Variants in SLC24A4 observed in about 807,000 individuals in gnomAD.
The protein encoded by SLC24A4 is solute carrier family 24 member 4.
SLC24A4 carries 53 observed loss-of-function variants against 79.0 expected under a neutral mutation model. That is an observed-to-expected ratio of 0.67 (90% CI 0.54 to 0.84). The LOEUF (loss-of-function observed/expected upper bound fraction) is 0.84. SLC24A4 is among the 40% of genes least tolerant of loss of function. The pLI, the probability that SLC24A4 is intolerant of heterozygous loss-of-function variation, is 0.00. For synonymous variants in SLC24A4, 323 were observed against 323.8 expected (o/e 1.00, Z 0.03); for missense variants, 731 against 822.0 (o/e 0.89, Z 1.35).
In SLC24A4 at chr14:92,467,689, A is replaced by T. The variant is rs72631613; in HGVS notation, c.1255+11081A>T. 0.01 allele frequency among the ~76,000 whole-genome samples: 1,533 copies of T among 152,238 alleles called. 77 individuals are homozygous for T. In the East Asian group the frequency reaches 0.16, roughly 16 times the overall value. On this transcript the variant is annotated intron_variant, in intron 12 of 16. Coordinates refer to ENST00000532405, the MANE Select transcript of SLC24A4 (RefSeq NM_153646.4). Reference sequence around the variant, plus strand: ...CCAGGCCAGTGTAGCATGTGCTGGGAGGAAAAGTAGGAGGTAAAGGCCTGC... The same window carrying T: ...CCAGGCCAGTGTAGCATGTGCTGGGTGGAAAAGTAGGAGGTAAAGGCCTGC...
chr14:92,420,210 G>A (rs867938025), intron 2 of SLC24A4, among the ~76,000 whole-genome samples: 1 of 152,174 alleles, frequency 6.6e-6, no homozygotes, highest in African/African-American at 2.4e-5. Flanking sequence ...GGCTGGGCAC[G>A]GTGGTTCACA....
intron 2 of SLC24A4, among the ~76,000 whole-genome samples, chr14:92,402,801 C>A (rs543662942): frequency 2.6e-5 from 4 of 152,246 alleles, no homozygotes; most frequent in African/African-American, 9.6e-5. Flanking sequence ...GAAAGACCCA[C>A]CCCTGTAATT....
rs528534691 is a variant in SLC24A4, at chr14:92,494,557, A to G, written c.*929A>G. On this transcript the variant is annotated 3_prime_UTR_variant, in exon 17 of 17. Transcript: ENST00000532405. This position sits in a 1 kb window ranked among gnomAD's most constrained non-coding sequence, Gnocchi z 4.6. ...CTTTCCAGATCTTCTATGTGACACA[A>G]TGCACTGTCCTTGTGGGTTTGTCAT... 6.6e-6 allele frequency: 1 copy of G among 152,358 alleles called. No homozygotes were observed. The highest frequency in any genetic ancestry group is 2.1e-4 in the South Asian group (1 of 4,830). 9.4% of individuals were successfully genotyped at this position (152,358 alleles called of 1,614,324 possible).
chr14:92,449,337 C>G (rs1219105502), intron 10 of SLC24A4, 121 bp downstream of exon 10: 2 of 1,287,072 alleles, frequency 1.6e-6, no homozygotes, highest in Non-Finnish European at 2.1e-6. Flanking sequence ...CTCACAATGT[C>G]CCCCCTCTAA....
intron 2 of SLC24A4, among the ~76,000 whole-genome samples, chr14:92,333,912 G>A (rs1464374731): frequency 1.3e-5 from 2 of 151,820 alleles, no homozygotes; most frequent in Non-Finnish European, 2.9e-5. Flanking sequence ...CACCAAGCAG[G>A]TGCCCTCAGG....
Position 92,323,901 on chromosome 14 carries a change from G to A in SLC24A4, c.71G>A (p.Gly24Asp). The A allele has an allele frequency of 6.2e-7, 1 of 1,609,366 alleles. No homozygotes were observed. The change falls in exon 1 of 17, where the codon GGC becomes GAC. Residue 24 changes from glycine (G) to aspartate (D), a missense_variant. By Grantham distance (94) the Gly-to-Asp change is moderately conservative. Coordinates refer to ENST00000532405, the MANE Select transcript of SLC24A4 (RefSeq NM_153646.4). The surrounding 1 kb of genome is among the most constrained non-coding windows in gnomAD (Gnocchi z 4.9). ...CGAGAGATGCTGCCGCAGCAAGTCG[G>A]CTTCGTGTGCGCGGTGCTGGCCCTG... ...RRREMLPQQV[G>D]FVCAVLALVC...
Position 92,445,352 on chromosome 14 carries a change from TCAAGTGTA to T in SLC24A4, c.683+11_683+18del, listed in dbSNP as rs779699662. 1.3e-4 allele frequency: 215 copies of T among 1,613,678 alleles called. No homozygotes were observed. The highest frequency in any genetic ancestry group is 1.8e-4 in the Non-Finnish European group (210 of 1,179,704). On this transcript the variant is annotated intron_variant, in intron 8 of 16. Coordinates refer to ENST00000532405, the MANE Select transcript of SLC24A4 (RefSeq NM_153646.4). ...ATGAACAAATTGTGTGGTAAGTTTT[TCAAGTGTA>T]GTTTTCATTGTTCTTTTTTGTTGTT... is the stretch of plus-strand genomic sequence containing the variant.
At chr14:92,438,867 G>A (rs1892330376) in intron 3 of SLC24A4, among the ~76,000 whole-genome samples, 1 of 152,090 alleles carries the variant, frequency 6.6e-6, no homozygotes. Flanking sequence ...TGGAGGTTGG[G>A]GGCTGGGGCT....
At chr14:92,342,484 A>G (rs932832709) in intron 2 of SLC24A4, among the ~76,000 whole-genome samples, 1 of 151,902 alleles carries the variant, frequency 6.6e-6, no homozygotes, top group Non-Finnish European at 1.5e-5. Flanking sequence ...CCCGGGTTCA[A>G]GTGATTCTCC....
chr14:92,423,088 G>T (rs1322232341), intron 2 of SLC24A4, among the ~76,000 whole-genome samples: 1 of 151,966 alleles, frequency 6.6e-6, no homozygotes, highest in Non-Finnish European at 1.5e-5. Flanking sequence ...TAGGCTTACA[G>T]GTGTGAGCTG....
At chr14:92,372,951 C>T (rs1175451879) in intron 2 of SLC24A4, among the ~76,000 whole-genome samples, 4 of 139,250 alleles carry the variant, frequency 2.9e-5, no homozygotes, top group African/African-American at 7.9e-5. Context: ...CTCTCTCTCT[C>T]TCTCTCCCTC....
chr14:92,449,864 C>T (rs1490759844), intron 10 of SLC24A4, among the ~76,000 whole-genome samples: 2 of 152,244 alleles, frequency 1.3e-5, no homozygotes, highest in African/African-American at 4.8e-5. Flanking sequence ...GGGTCTGGGC[C>T]TCCAGAGCCA....
intron 12 of SLC24A4, among the ~76,000 whole-genome samples, chr14:92,465,260 G>A (rs1417709940): frequency 1.3e-5 from 2 of 152,176 alleles, no homozygotes; most frequent in Non-Finnish European, 2.9e-5. Flanking sequence ...ACTGTCTCAC[G>A]GGTGAGGACA....
Position 92,340,943 on chromosome 14 carries a change from T to A in SLC24A4, c.241+14965T>A, listed in dbSNP as rs576228928. ...GGAGAGCTGATAAAATGTAGGGCAC[T>A]GCATGTAACATGCAAAAGGGAAGAG... On this transcript the variant is annotated intron_variant, in intron 2 of 16. Transcript: ENST00000532405. 5.3e-5 allele frequency among the ~76,000 whole-genome samples: 8 copies of A among 152,340 alleles called. No individual in the cohort carries two copies. In the South Asian group the frequency reaches 1.4e-3, roughly 28 times the overall value.
intron 2 of SLC24A4, among the ~76,000 whole-genome samples, chr14:92,357,424 A>G (rs900284608): frequency 6.6e-6 from 1 of 152,352 alleles, no homozygotes; most frequent in South Asian, 2.1e-4. Context: ...CACAACAGCC[A>G]AGAGGTAGAA....
chr14:92,351,819 G>T (rs1886895580), intron 2 of SLC24A4, among the ~76,000 whole-genome samples: 1 of 151,802 alleles, frequency 6.6e-6, no homozygotes, highest in African/African-American at 2.4e-5. Context: ...AGCCGAGACT[G>T]CACCACTGTA....
At chr14:92,457,591 A>G (rs1254866779) in intron 12 of SLC24A4, 1 of 152,604 alleles carries the variant, frequency 6.6e-6, no homozygotes, top group African/African-American at 2.4e-5. Flanking sequence ...GTATCCGTCA[A>G]ATGAATCCAG....
At chr14:92,400,526 G>T (rs939232930) in intron 2 of SLC24A4, among the ~76,000 whole-genome samples, 12 of 152,026 alleles carry the variant, frequency 7.9e-5, no homozygotes, top group African/African-American at 2.9e-4. Context: ...ATCTATAAGG[G>T]ATTGACTAAG....
chr14:92,438,928 C>T (rs941768857), intron 3 of SLC24A4, among the ~76,000 whole-genome samples: 2 of 152,224 alleles, frequency 1.3e-5, no homozygotes, highest in Non-Finnish European at 2.9e-5. Context: ...GACCTGCCCC[C>T]ATCCTGAAGC....
Sources: allele counts gnomAD v4.1 joint callset (sites outside exome capture counted in the v4.1 genomes callset), GRCh38; gene constraint gnomAD v4.1.1; non-coding constraint Gnocchi (gnomAD v3.1); transcripts MANE v1.5; gene names NCBI Gene and HGNC (gene_info 2026-07-23, HGNC 2026-07-21).